The following TPRG1 variants were observed in gnomAD, a reference collection of about 807,000 sequenced individuals.
The protein encoded by TPRG1 is tumor protein p63-regulated gene 1 protein.
Under a neutral mutation model 29.3 loss-of-function variants are expected in TPRG1, and 29 were observed. That is an observed-to-expected ratio of 0.99 (90% CI 0.74 to 1.35). The LOEUF is 1.35. TPRG1 is among the 40% of genes most tolerant of loss of function. The probability of loss-of-function intolerance (pLI) is 0.00; values close to 1 mark genes in which losing one functional copy is unlikely to be tolerated. For synonymous variants in TPRG1, 130 were observed against 116.8 expected, an observed-to-expected ratio of 1.11 and a Z score of -0.73; for missense variants, 327 against 335.0, an observed-to-expected ratio of 0.98 and a Z score of 0.19.
intron 1 of TPRG1, among the ~76,000 whole-genome samples, chr3:189,196,701 G>A (rs1732589447): frequency 6.6e-6 from 1 of 152,028 alleles, no homozygotes; most frequent in African/African-American, 2.4e-5. Context: ...AGATTTGGGT[G>A]GGGACACAGC....
chr3:189,095,888 T>C (rs1276437037), upstream of TPRG1, among the ~76,000 whole-genome samples: 3 of 152,174 alleles, frequency 2.0e-5, no homozygotes, highest in Non-Finnish European at 4.4e-5. Context: ...TGTTGTCTGG[T>C]GAATGAGACC....
rs565367294 is a variant in TPRG1 at position 189,001,198 on chromosome 3, A to C, written c.-878+287A>C. Among the ~76,000 whole-genome samples, 18 of 152,290 alleles carry C rather than the reference A, an allele frequency of 1.2e-4. 1 individual carries two copies. In the South Asian group the frequency reaches 3.5e-3, roughly 30 times the overall value. ...AGAGACATGTATTCATTCACTCTTCAAGTTTCACAATTTTTGAGTTGAAAT... is the reference window on the plus strand; with the variant it reads ...AGAGACATGTATTCATTCACTCTTCCAGTTTCACAATTTTTGAGTTGAAAT... On this transcript the variant is annotated intron_variant, in intron 2 of 10. Transcript: ENST00000433971.
intron 3 of TPRG1, among the ~76,000 whole-genome samples, chr3:189,229,877 A>G (rs1184336196): frequency 6.6e-6 from 1 of 152,210 alleles, no homozygotes; most frequent in African/African-American, 2.4e-5. Context: ...TGTAACGAAC[A>G]TACTACAGTA....
intron 4 of TPRG1, among the ~76,000 whole-genome samples, chr3:189,278,459 G>A (rs1449060223): frequency 1.3e-5 from 2 of 152,156 alleles, no homozygotes; most frequent in South Asian, 4.1e-4. Flanking sequence ...TGTGTAACCA[G>A]ACCCATAATG....
intron 2 of TPRG1, among the ~76,000 whole-genome samples, chr3:189,209,008 G>T (rs1329810328): frequency 3.3e-5 from 5 of 152,212 alleles, no homozygotes; most frequent in Non-Finnish European, 5.9e-5. Context: ...GGAAAAAATT[G>T]CATGGACAAA....
intron 3 of TPRG1, among the ~76,000 whole-genome samples, chr3:189,224,849 T>G (rs1273452590): frequency 6.6e-6 from 1 of 151,916 alleles, no homozygotes; most frequent in Non-Finnish European, 1.5e-5. Context: ...CCCTCTTTAT[T>G]CTCTAACACA....
intron 5 of TPRG1, among the ~76,000 whole-genome samples, chr3:189,153,344 T>A (rs1486967216): frequency 6.6e-6 from 1 of 152,200 alleles, no homozygotes; most frequent in Non-Finnish European, 1.5e-5. Flanking sequence ...GAGTTTACAC[T>A]CTTAAAAAAC....
intron 1 of TPRG1, among the ~76,000 whole-genome samples, chr3:189,180,301 G>C (rs1029054388): frequency 6.6e-6 from 1 of 151,982 alleles, no homozygotes; most frequent in Non-Finnish European, 1.5e-5. Flanking sequence ...ATGCCTTCCC[G>C]ACAGTCCCCC....
At chr3:189,160,878 C>T (rs965296584) in intron 5 of TPRG1, among the ~76,000 whole-genome samples, 3 of 152,076 alleles carry the variant, frequency 2.0e-5, no homozygotes, top group Non-Finnish European at 4.4e-5. Context: ...GTTTGTTTGT[C>T]GTTGTTGTTG....
intron 3 of TPRG1, among the ~76,000 whole-genome samples, chr3:189,237,402 G>A (rs760961827): frequency 3.3e-5 from 5 of 152,000 alleles, no homozygotes; most frequent in Non-Finnish European, 5.9e-5. Flanking sequence ...TATTCTGATT[G>A]GTCAGTGCCC....
chr3:189,070,801 T>C (rs116680047), intron 4 of TPRG1, among the ~76,000 whole-genome samples: 2 of 152,134 alleles, frequency 1.3e-5, no homozygotes, highest in Admixed American at 1.3e-4. Flanking sequence ...GCAAAGGCAA[T>C]TACCTGAAAA....
At chr3:189,005,676 A>T (rs1441759399) in intron 3 of TPRG1, among the ~76,000 whole-genome samples, 1 of 152,060 alleles carries the variant, frequency 6.6e-6, no homozygotes. Context: ...GGCTAAGGAG[A>T]TTCATTTTGA....
At chr3:189,179,090 C>T (rs1241580453) in intron 1 of TPRG1, among the ~76,000 whole-genome samples, 3 of 152,162 alleles carry the variant, frequency 2.0e-5, no homozygotes, top group Non-Finnish European at 4.4e-5. Context: ...TTAATGTCTT[C>T]CTCTAGTAGT....
intron 3 of TPRG1, among the ~76,000 whole-genome samples, chr3:189,015,807 G>A (rs771051867): frequency 1.3e-5 from 2 of 152,118 alleles, no homozygotes; most frequent in African/African-American, 4.8e-5. Flanking sequence ...TAAGAGTTGA[G>A]GTTTGGGAAC....
chr3:189,233,558 A>C (rs1739005368), intron 3 of TPRG1, among the ~76,000 whole-genome samples: 2 of 152,132 alleles, frequency 1.3e-5, no homozygotes, highest in African/African-American at 4.8e-5. Flanking sequence ...GCTGAGGAAA[A>C]GTGGCAACTG....
At position 189,137,944 on chromosome 3, in the gene TPRG1, C is replaced by G. The variant is rs1179749664; in HGVS notation, c.-291+5247C>G. On this transcript the variant is annotated intron_variant, in intron 3 of 6. Transcript: ENST00000412373. ...GCTGGAAGATGTAGCCTTAGGGTAC[C>G]TAATTCCATAGATAATAGACAAAAA... Among the ~76,000 whole-genome samples the G allele has an allele frequency of 3.3e-5, 5 of 152,026 alleles. No individual in the cohort carries two copies. The East Asian group carries it at 9.7e-4, about 29-fold the overall frequency.
chr3:189,116,528 A>C (rs1249526473), intron 1 of TPRG1, among the ~76,000 whole-genome samples: 5 of 152,224 alleles, frequency 3.3e-5, no homozygotes, highest in African/African-American at 4.8e-5. Flanking sequence ...CACAGTAGCC[A>C]AAAGGTAGAA....
chr3:189,128,188 G>A (rs1329192796), intron 2 of TPRG1, among the ~76,000 whole-genome samples: 2 of 152,210 alleles, frequency 1.3e-5, no homozygotes, highest in African/African-American at 2.4e-5. Context: ...TACTCTTAAT[G>A]AATTCGTTTT....
intron 4 of TPRG1, among the ~76,000 whole-genome samples, chr3:189,079,560 T>C (rs939504682): frequency 2.0e-5 from 3 of 152,138 alleles, no homozygotes; most frequent in Admixed American, 1.3e-4. Flanking sequence ...TATTAACATA[T>C]ACTACTAATA....
Sources: gnomAD v4.1 joint callset for allele counts (sites outside exome capture counted in the v4.1 genomes callset) on GRCh38, gnomAD v4.1.1 for gene constraint, MANE v1.5 for transcripts, NCBI Gene and HGNC (gene_info 2026-07-23, HGNC 2026-07-21) for gene names.